OR4F6: variants seen among roughly 807,000 people sequenced by gnomAD.
The protein encoded by OR4F6 is olfactory receptor 4F6.
Under a neutral mutation model 15.9 loss-of-function variants are expected in OR4F6, and 13 were observed. That is an observed-to-expected ratio of 0.82 (90% CI 0.53 to 1.30). The LOEUF (loss-of-function observed/expected upper bound fraction) is 1.30, where lower values mean the gene tolerates loss of function less well. OR4F6 is among the 50% of genes most tolerant of loss of function. The pLI, the probability that OR4F6 is intolerant of heterozygous loss-of-function variation, is 0.00. For synonymous variants in OR4F6, 150 were observed against 133.8 expected (o/e 1.12, Z -0.83); for missense variants, 426 against 367.2 (o/e 1.16, Z -1.31).
In OR4F6 at chr15:101,805,765, G is replaced by A. The variant is rs1169023137; in HGVS notation, c.46G>A (p.Gly16Arg). 4.3e-6 allele frequency: 7 copies of A among 1,613,920 alleles called. No individual in the cohort carries two copies. The highest frequency in any genetic ancestry group is 5.9e-6 in the Non-Finnish European group (7 of 1,179,948). The part of the protein sequence containing the change: ...HSVVSEFVFL[G>R]LSDSRKIQLL... ...TGTGGTCTCTGAGTTTGTGTTCCTGGGACTCTCTGACTCGCGGAAGATCCA... is the reference window on the plus strand; with the variant it reads ...TGTGGTCTCTGAGTTTGTGTTCCTGAGACTCTCTGACTCGCGGAAGATCCA... Residue 16 changes from glycine (G) to arginine (R), a missense_variant, in exon 2 of 2, where the codon GGA (glycine) becomes AGA (arginine). Coordinates refer to ENST00000328882, the MANE Select transcript of OR4F6 (RefSeq NM_001005326.2).
chr15:101,804,456 A>C (rs1398584585), intron 1 of OR4F6, among the ~76,000 whole-genome samples: 1 of 152,160 alleles, frequency 6.6e-6, no homozygotes, highest in Admixed American at 6.5e-5. Flanking sequence ...TTTTTGTTAC[A>C]TTCTAGGCTT....
At position 101,806,320 on chromosome 15, in the gene OR4F6, G is replaced by A. The variant is rs1425632138; in HGVS notation, c.601G>A (p.Ala201Thr). ...CTACACATTGGGATTCATGGTTACT[G>A]CCAATAGTGGATTTATTTCTCTGGC... ...ETYTLGFMVT[A>T]NSGFISLASF... is the part of the protein sequence containing the mutation. The change falls in exon 2 of 2, where the codon GCC becomes ACC. Residue 201 changes from alanine (A) to threonine (T), a missense_variant. Physicochemically the swap from Ala to Thr is moderately conservative, Grantham distance 58. Coordinates refer to ENST00000328882, the MANE Select transcript of OR4F6 (RefSeq NM_001005326.2). The A allele has an allele frequency of 6.2e-7, 1 of 1,613,630 alleles. No homozygotes were observed. Among genetic ancestry groups the A allele is most frequent in the African/African-American group, 1.3e-5 (1 of 74,916 alleles).
In OR4F6 at chr15:101,806,578, T is replaced by A. The variant is rs779252937; in HGVS notation, c.859T>A (p.Tyr287Asn). 10 of 1,612,526 alleles carry A rather than the reference T, an allele frequency of 6.2e-6. No individual in the cohort carries two copies. The highest frequency in any genetic ancestry group is 8.5e-6 in the Non-Finnish European group (10 of 1,179,424). The change falls in exon 2 of 2, where the codon TAT (tyrosine) becomes AAT (asparagine). Residue 287 changes from tyrosine (Y) to asparagine (N), a missense_variant. Physicochemically the swap from Tyr to Asn is moderately radical, Grantham distance 143. Coordinates refer to ENST00000328882, the MANE Select transcript of OR4F6 (RefSeq NM_001005326.2). ...CACTCCCGTTTTGAATCCAGTCATC[T>A]ATACTTTTAGAAATAAAGAGATGAT... ...VITPVLNPVI[Y>N]TFRNKEMMVA...
chr15:101,805,304 A>G (rs1902777844), intron 1 of OR4F6, among the ~76,000 whole-genome samples: 1 of 152,208 alleles, frequency 6.6e-6, no homozygotes, highest in African/African-American at 2.4e-5. Context: ...ATCAAAGAGG[A>G]CTTCATGGAG....
chr15:101,803,922 A>C (rs975600246), intron 1 of OR4F6, among the ~76,000 whole-genome samples: 1 of 152,212 alleles, frequency 6.6e-6, no homozygotes, highest in Non-Finnish European at 1.5e-5. Flanking sequence ...CACAGACAGC[A>C]CACAAAGATC....
Position 101,805,948 on chromosome 15 carries a change from A to G in OR4F6, c.229A>G (p.Thr77Ala). 1 of 1,614,036 alleles carries G rather than the reference A, an allele frequency of 6.2e-7. No homozygotes were observed. Among genetic ancestry groups the G allele is most frequent in the Middle Eastern group, 1.6e-4 (1 of 6,062 alleles). ...SIINLVFCSS[T>A]APKMIYDLFR... ...CATCAATTTGGTATTTTGTTCCTCC[A>G]CAGCTCCCAAGATGATTTATGACCT... The change falls in exon 2 of 2, where the codon ACA (threonine) becomes GCA (alanine). Residue 77 changes from threonine (T) to alanine (A), a missense_variant. Coordinates refer to ENST00000328882, the MANE Select transcript of OR4F6 (RefSeq NM_001005326.2).
At chr15:101,804,314 C>T (rs2141615367) in intron 1 of OR4F6, among the ~76,000 whole-genome samples, 1 of 152,332 alleles carries the variant, frequency 6.6e-6, no homozygotes, top group East Asian at 1.9e-4. Context: ...TTAGAATTAT[C>T]ATCCTCATTT....
In OR4F6 at chr15:101,805,867, A is replaced by G. The variant is rs1205330792; in HGVS notation, c.148A>G (p.Thr50Ala). Residue 50 changes from threonine (T) to alanine (A), a missense_variant, in exon 2 of 2, where the codon ACC becomes GCC. Coordinates refer to ENST00000328882, the MANE Select transcript of OR4F6 (RefSeq NM_001005326.2). ...AAATCTCCTCATTGTGCTAACTGTG[A>G]CCTCTGACCCTCGTTTACAGTCCCC... ...MGNLLIVLTVTSDPRLQSPMY... is the reference protein window; with the variant it reads ...MGNLLIVLTVASDPRLQSPMY... The G allele has an allele frequency of 1.2e-6, 2 of 1,613,894 alleles. No individual in the cohort carries two copies. The highest frequency in any genetic ancestry group is 3.3e-5 in the Admixed American group (2 of 59,994).
chr15:101,803,599 AAC>A (rs1268793588), intron 1 of OR4F6, 54 bp downstream of exon 1: 6 of 152,230 alleles, frequency 3.9e-5, no homozygotes, highest in Admixed American at 3.9e-4. Flanking sequence ...TTTAAATGGA[AAC>A]ACACAGGACA....
At chr15:101,804,674 T>C (rs1256190249) in intron 1 of OR4F6, among the ~76,000 whole-genome samples, 1 of 152,174 alleles carries the variant, frequency 6.6e-6, no homozygotes, top group South Asian at 2.1e-4. Context: ...TAAAAAAGTG[T>C]TCAGTGGGGA....
rs748127506 is a variant in OR4F6, at chr15:101,806,269, T to G, written c.550T>G (p.Phe184Val). The change falls in exon 2 of 2, where the codon TTT becomes GTT. Residue 184 changes from phenylalanine to valine, a missense_variant. Transcript: ENST00000328882. The stretch of plus-strand genomic sequence containing the variant: ...TAGTTTCTTTTGTGATCTTCCTCGA[T>G]TTATCAAACTGGCTTGCATAGAGAC... ...LDSFFCDLPRFIKLACIETYT... is the reference protein window; with the variant it reads ...LDSFFCDLPRVIKLACIETYT... 5 of 1,613,946 alleles carry G rather than the reference T, an allele frequency of 3.1e-6. No individual in the cohort carries two copies. In the South Asian group the frequency reaches 4.4e-5, roughly 14 times the overall value.
rs201852576 is a variant in OR4F6 at position 101,806,367 on chromosome 15, C to T, written c.648C>T (p.Ile216=). The T allele has an allele frequency of 1.9e-5, 30 of 1,614,086 alleles. No homozygotes were observed. In the African/African-American group the frequency reaches 3.2e-4, roughly 17 times the overall value. Residue 216 remains isoleucine (I), a synonymous_variant, in exon 2 of 2, where the codon ATC becomes ATT. Coordinates refer to ENST00000328882, the MANE Select transcript of OR4F6 (RefSeq NM_001005326.2). ...TGGCTTCTTTTTTAATTCTCATAAT[C>T]TCTTACATCTTTATTTTGGTGACTG... ...ISLASFLILI[I]SYIFILVTVQ...
In OR4F6 at chr15:101,806,636, T is replaced by C. The variant is rs572614163; in HGVS notation, c.917T>C (p.Val306Ala). The change falls in exon 2 of 2, where the codon GTG (valine) becomes GCG (alanine). Residue 306 changes from valine to alanine, a missense_variant. Val to Ala is a moderately conservative substitution (Grantham distance 64). Transcript: ENST00000328882. The part of the protein sequence containing the change: ...VAMRRRCSQF[V>A]NYSKIF ...ATGAGAAGACGATGCTCTCAGTTTG[T>C]GAATTACAGTAAAATCTTTTAAATA... 1 of 1,577,382 alleles carries C rather than the reference T, an allele frequency of 6.3e-7. No homozygotes were observed. The highest frequency in any genetic ancestry group is 8.6e-7 in the Non-Finnish European group (1 of 1,165,218).
Position 101,806,671 on chromosome 15 carries a change from T to A in OR4F6, c.*13T>A. 2 of 1,480,330 alleles carry A rather than the reference T, an allele frequency of 1.4e-6. No individual in the cohort carries two copies. The highest frequency in any genetic ancestry group is 9.0e-7 in the Non-Finnish European group (1 of 1,104,980). The allele number at this position is 1,480,330 out of a possible 1,614,324, so 91.7% of individuals were successfully genotyped here. On this transcript the variant is annotated 3_prime_UTR_variant, in exon 2 of 2. Coordinates refer to ENST00000328882, the MANE Select transcript of OR4F6 (RefSeq NM_001005326.2). ...TAAAATCTTTTAAATATATTGAGAATATACAAAAAGGCAAATTATACTAGA... is the reference window on the plus strand; with the variant it reads ...TAAAATCTTTTAAATATATTGAGAAAATACAAAAAGGCAAATTATACTAGA...
At position 101,806,804 on chromosome 15, in the gene OR4F6, G is replaced by A. The variant is rs2141616820; in HGVS notation, c.*146G>A. Reference sequence around the variant, plus strand: ...TTTTTTCTTCCCAAATTGAATTGTGGTATCAATCTCTTGCTTATATAGGAG... The same window carrying A: ...TTTTTTCTTCCCAAATTGAATTGTGATATCAATCTCTTGCTTATATAGGAG... On this transcript the variant is annotated 3_prime_UTR_variant, in exon 2 of 2. Coordinates refer to ENST00000328882, the MANE Select transcript of OR4F6 (RefSeq NM_001005326.2). The A allele has an allele frequency of 3.9e-6, 2 of 512,578 alleles. No homozygotes were observed. Among genetic ancestry groups the A allele is most frequent in the East Asian group, 6.1e-5 (2 of 32,632 alleles). 31.8% of individuals were successfully genotyped at this position (512,578 alleles called of 1,614,324 possible). A position where few individuals can be genotyped will look rare whatever the true frequency, so the allele number is the denominator to read the frequency against.
chr15:101,805,575 G>T, intron 1 of OR4F6, 112 bp from the exon 2 acceptor site: 1 of 623,834 alleles, frequency 1.6e-6, no homozygotes, highest in Non-Finnish European at 2.8e-6. Flanking sequence ...GTCTCTAAAG[G>T]CATATATTAG....
rs1489603732 is a variant in OR4F6 at position 101,806,391 on chromosome 15, T to C, written c.672T>C (p.Thr224=). ...TCTCTTACATCTTTATTTTGGTGAC[T>C]GTTCAGAAAAAATCTTCAGGTGGTA... is the stretch of plus-strand genomic sequence containing the variant. The part of the protein sequence containing the change: ...LIISYIFILV[T]VQKKSSGGIF... Residue 224 remains threonine, a synonymous_variant, in exon 2 of 2, where the codon ACT becomes ACC. Transcript: ENST00000328882. 6.2e-7 allele frequency: 1 copy of C among 1,613,742 alleles called. No homozygotes were observed. Among genetic ancestry groups the C allele is most frequent in the East Asian group, 2.2e-5 (1 of 44,882 alleles).
Position 101,806,174 on chromosome 15 carries a change from GTAT to G in OR4F6, c.460_462del (p.Ile154del). The G allele has an allele frequency of 6.2e-7, 1 of 1,614,072 alleles. No individual in the cohort carries two copies. The highest frequency in any genetic ancestry group is 8.5e-7 in the Non-Finnish European group (1 of 1,179,976). ...TTTTTAGTCATTTCCTGGATTATAG[GTAT>G]TATTCACTCAGTGATTCAGTTGGCT... On this transcript the variant is annotated inframe_deletion, in exon 2 of 2. Transcript: ENST00000328882.
chr15:101,805,922 T>A lies in OR4F6; in HGVS notation c.203T>A (p.Ile68Asn). The change falls in exon 2 of 2, where the codon ATC becomes AAC. Residue 68 changes from isoleucine to asparagine, a missense_variant. Coordinates refer to ENST00000328882, the MANE Select transcript of OR4F6 (RefSeq NM_001005326.2). The part of the protein sequence containing the change: ...PMYFLLANLS[I>N]INLVFCSSTA... ...TACTTCCTGCTGGCCAACCTTTCCA[T>A]CATCAATTTGGTATTTTGTTCCTCC... is the stretch of plus-strand genomic sequence containing the variant. The A allele has an allele frequency of 4.3e-6, 7 of 1,614,100 alleles. No individual in the cohort carries two copies. The highest frequency in any genetic ancestry group is 5.9e-6 in the Non-Finnish European group (7 of 1,179,996).
Sources: gnomAD v4.1 joint callset for allele counts (sites outside exome capture counted in the v4.1 genomes callset) on GRCh38, gnomAD v4.1.1 for gene constraint, MANE v1.5 for transcripts, NCBI Gene and HGNC (gene_info 2026-07-23, HGNC 2026-07-21) for gene names.